The following DAB2IP variants were observed in gnomAD, a reference collection of about 807,000 sequenced individuals.
The protein encoded by DAB2IP is DAB2 interacting protein, also known as disabled homolog 2-interacting protein.
A neutral mutation model predicts 107.2 loss-of-function variants in DAB2IP; 28 were observed. The observed-to-expected ratio is 0.26, with a 90% CI of 0.19 to 0.36. The LOEUF (loss-of-function observed/expected upper bound fraction) is 0.36. Ranked by LOEUF, DAB2IP falls within the 10% of genes least tolerant of loss-of-function variation. The probability of loss-of-function intolerance (pLI) is 1.00; values close to 1 mark genes in which losing one functional copy is unlikely to be tolerated. For synonymous variants in DAB2IP, 755 were observed against 706.4 expected (o/e 1.07, Z -1.09); for missense variants, 1,400 against 1,644.7 (o/e 0.85, Z 2.57).
At chr9:121,640,561 C>T (rs868636464) in intron 1 of DAB2IP, among the ~76,000 whole-genome samples, 7 of 151,516 alleles carry the variant, frequency 4.6e-5, no homozygotes, top group Non-Finnish European at 8.8e-5. Flanking sequence ...CCCCACCTCC[C>T]CCCACACCAT....
At chr9:121,743,058 T>G in intron 3 of DAB2IP, 3 of 941,372 alleles carry the variant, frequency 3.2e-6, no homozygotes, top group Non-Finnish European at 3.8e-6. Flanking sequence ...GGAGGAATAC[T>G]CTGGCTGGGA....
At chr9:121,774,453 C>A in intron 13 of DAB2IP, 41 bp downstream of exon 13, 2 of 1,541,388 alleles carry the variant, frequency 1.3e-6, no homozygotes, top group Non-Finnish European at 8.7e-7. Context: ...GGCGGGGCTG[C>A]CTCCCGGCAG....
intron 3 of DAB2IP, among the ~76,000 whole-genome samples, chr9:121,710,643 C>T (rs1830296887): frequency 6.6e-6 from 1 of 152,166 alleles, no homozygotes; most frequent in South Asian, 2.1e-4. Context: ...CCTTCCATAG[C>T]ACTTCCCTTC....
At chr9:121,761,370 C>T (rs544181737) in intron 6 of DAB2IP, among the ~76,000 whole-genome samples, 12 of 152,198 alleles carry the variant, frequency 7.9e-5, no homozygotes, top group Non-Finnish European at 1.5e-4. Flanking sequence ...TGGACAGTGG[C>T]GTGTTGTGAG....
At chr9:121,618,300 C>T (rs1374318972) in intron 1 of DAB2IP, among the ~76,000 whole-genome samples, 1 of 152,006 alleles carries the variant, frequency 6.6e-6, no homozygotes, top group Non-Finnish European at 1.5e-5. Context: ...GGAGCAGACA[C>T]AGGCAAAAAC....
chr9:121,628,411 C>T (rs761575310), intron 1 of DAB2IP, among the ~76,000 whole-genome samples: 2 of 152,354 alleles, frequency 1.3e-5, no homozygotes, highest in Non-Finnish European at 1.5e-5. Flanking sequence ...TATCTTCTAG[C>T]GAGATCTTCC....
At chr9:121,597,830 C>A (rs1415229031) in intron 1 of DAB2IP, among the ~76,000 whole-genome samples, 1 of 152,212 alleles carries the variant, frequency 6.6e-6, no homozygotes, top group African/African-American at 2.4e-5. Context: ...GCATCCATCG[C>A]ATATGCTCCG....
intron 1 of DAB2IP, among the ~76,000 whole-genome samples, chr9:121,614,978 C>T (rs750437173): frequency 5.9e-5 from 9 of 152,102 alleles, no homozygotes; most frequent in East Asian, 1.9e-4. Flanking sequence ...AGGTGATCCA[C>T]GAGCCTCGGC....
At chr9:121,770,845 G>T in intron 11 of DAB2IP, 121 bp downstream of exon 11, 1 of 1,347,672 alleles carries the variant, frequency 7.4e-7, no homozygotes, top group African/African-American at 1.5e-5. Flanking sequence ...AGCCTGGCAA[G>T]ACTTGAGTTG....
intron 3 of DAB2IP, among the ~76,000 whole-genome samples, chr9:121,706,060 T>C (rs1830044643): frequency 6.6e-6 from 1 of 152,146 alleles, no homozygotes; most frequent in African/African-American, 2.4e-5. Context: ...TTCTCTCTGC[T>C]CTGAGCTGCC....
chr9:121,701,956 G>T lies in DAB2IP; in HGVS notation c.362+2498G>T, dbSNP rs1250406503. Among the ~76,000 whole-genome samples, 1 of 152,154 alleles carries T rather than the reference G, an allele frequency of 6.6e-6. No individual in the cohort carries two copies. Among genetic ancestry groups the T allele is most frequent in the Non-Finnish European group, 1.5e-5 (1 of 68,034 alleles). Reference sequence around the variant, plus strand: ...TGCCATGCCTCTGGCTGGGGAGAGGGTAAGTGCCAAGACGCTAGCCTCAGT... The same window carrying T: ...TGCCATGCCTCTGGCTGGGGAGAGGTTAAGTGCCAAGACGCTAGCCTCAGT... On this transcript the variant is annotated intron_variant, in intron 3 of 15. Coordinates refer to ENST00000408936, the Ensembl canonical transcript of DAB2IP. The surrounding 1 kb of genome is among the most constrained non-coding windows in gnomAD (Gnocchi z 4.7).
chr9:121,625,009 C>T (rs1005536535), intron 1 of DAB2IP, among the ~76,000 whole-genome samples: 2 of 152,176 alleles, frequency 1.3e-5, no homozygotes, highest in Non-Finnish European at 2.9e-5. Flanking sequence ...CTGCCTGCCC[C>T]GTCCAGGGCA....
chr9:121,614,337 C>CTTTTTTTT (rs35959966), intron 1 of DAB2IP, among the ~76,000 whole-genome samples: 11 of 102,764 alleles, frequency 1.1e-4, no homozygotes, highest in African/African-American at 1.5e-4. Context: ...TCTTTCTTTT[C>CTTTTTTTT]TTTTTTTTTT....
chr9:121,725,026 C>G (rs1328261483), intron 3 of DAB2IP, among the ~76,000 whole-genome samples: 1 of 152,198 alleles, frequency 6.6e-6, no homozygotes, highest in East Asian at 1.9e-4. Flanking sequence ...CCCCCGGCAC[C>G]AGCCACTCCC....
At chr9:121,617,626 C>G (rs185850230) in intron 1 of DAB2IP, among the ~76,000 whole-genome samples, 124 of 152,372 alleles carry the variant, frequency 8.1e-4, no homozygotes, top group Non-Finnish European at 1.3e-3. Context: ...CCACCCTCCC[C>G]GCTGAGGTCT....
intron 6 of DAB2IP, among the ~76,000 whole-genome samples, chr9:121,762,388 C>G (rs1833961326): frequency 6.6e-6 from 1 of 152,192 alleles, no homozygotes; most frequent in Non-Finnish European, 1.5e-5. Context: ...AGATGCACCT[C>G]TGACCCCCGC....
At chr9:121,617,506 C>G (rs767730162) in intron 1 of DAB2IP, among the ~76,000 whole-genome samples, 1 of 152,174 alleles carries the variant, frequency 6.6e-6, no homozygotes, top group African/African-American at 2.4e-5. Flanking sequence ...CAGCCCAATA[C>G]AGCGGTTTCC....
chr9:121,686,469 G>A (rs77672051), intron 2 of DAB2IP, among the ~76,000 whole-genome samples: 6,895 of 152,172 alleles, frequency 0.045, 320 homozygotes, highest in African/African-American at 0.11. Context: ...ACTGGTTCCC[G>A]TTAAGGTGTA....
At chr9:121,609,489 C>T (rs1423323211) in intron 1 of DAB2IP, among the ~76,000 whole-genome samples, 1 of 152,220 alleles carries the variant, frequency 6.6e-6, no homozygotes, top group Non-Finnish European at 1.5e-5. Flanking sequence ...CGGCTCCCAA[C>T]TTCTCCAGGC....
Sources: gnomAD v4.1 joint callset for allele counts (sites outside exome capture counted in the v4.1 genomes callset) on GRCh38, gnomAD v4.1.1 for gene constraint, Gnocchi (gnomAD v3.1) non-coding constraint, MANE v1.5 for transcripts, NCBI Gene and HGNC (gene_info 2026-07-23, HGNC 2026-07-21) for gene names.